CHMP3: variants seen among roughly 807,000 people sequenced by gnomAD.
CHMP3 encodes the protein charged multivesicular body protein 3.
Under a neutral mutation model 27.4 loss-of-function variants are expected in CHMP3, and 8 were observed. That is an observed-to-expected ratio of 0.29 (90% CI 0.17 to 0.53). The LOEUF is 0.53. Among genes scored for constraint, CHMP3 ranks in the 20% least tolerant of loss-of-function variants. The probability of loss-of-function intolerance (pLI) is 0.96; values close to 1 mark genes in which losing one functional copy is unlikely to be tolerated. For missense variants in CHMP3, 208 were observed against 271.5 expected, an observed-to-expected ratio of 0.77 and a Z score of 1.64; for synonymous variants, 86 against 85.5, an observed-to-expected ratio of 1.01 and a Z score of -0.03.
chr2:86,530,181 T>A (rs1018482412), intron 2 of CHMP3, among the ~76,000 whole-genome samples: 1 of 152,000 alleles, frequency 6.6e-6, no homozygotes, highest in Non-Finnish European at 1.5e-5. Flanking sequence ...TTAGCAGAGA[T>A]GGGGTTTCAC....
At chr2:86,520,398 G>A (rs924641649) in intron 3 of CHMP3, among the ~76,000 whole-genome samples, 4 of 151,986 alleles carry the variant, frequency 2.6e-5, no homozygotes, top group African/African-American at 2.4e-5. Context: ...GAGAGATAGG[G>A]GAGGTGCTAT....
intron 3 of CHMP3, chr2:86,515,384 C>G (rs1333187387): frequency 1.3e-5 from 2 of 152,278 alleles, no homozygotes; most frequent in African/African-American, 4.8e-5. Context: ...TGCAGTGGCA[C>G]GATCTCAGCT....
chr2:86,537,444 A>T (rs1676193145), intron 2 of CHMP3, among the ~76,000 whole-genome samples: 1 of 152,120 alleles, frequency 6.6e-6, no homozygotes, highest in Non-Finnish European at 1.5e-5. Flanking sequence ...GTCTTTGTTT[A>T]GCAAATCTAC....
intron 2 of CHMP3, among the ~76,000 whole-genome samples, chr2:86,531,122 G>T (rs1675901442): frequency 6.6e-6 from 1 of 151,946 alleles, no homozygotes; most frequent in African/African-American, 2.4e-5. Flanking sequence ...CATTCTATGA[G>T]TTGCCTTTTC....
intron 1 of CHMP3, among the ~76,000 whole-genome samples, chr2:86,558,319 C>T (rs1419302977): frequency 6.6e-6 from 1 of 152,230 alleles, no homozygotes; most frequent in African/African-American, 2.4e-5. Context: ...AGATTCACCA[C>T]TAAAATGTCT....
intron 1 of CHMP3, among the ~76,000 whole-genome samples, chr2:86,544,390 A>T (rs1387174373): frequency 6.7e-6 from 1 of 150,370 alleles, no homozygotes; most frequent in Non-Finnish European, 1.5e-5. Context: ...TGTTTCTCAA[A>T]GAGGGGGATG....
chr2:86,543,868 T>C (rs1236225440), intron 1 of CHMP3, among the ~76,000 whole-genome samples: 1 of 152,242 alleles, frequency 6.6e-6, no homozygotes, highest in Non-Finnish European at 1.5e-5. Flanking sequence ...GAAATTTATA[T>C]AATTAACCAT....
intron 1 of CHMP3, among the ~76,000 whole-genome samples, chr2:86,558,087 G>A (rs1677196365): frequency 6.6e-6 from 1 of 152,150 alleles, no homozygotes; most frequent in African/African-American, 2.4e-5. Context: ...TGCCATGGAA[G>A]GGGGCACTCT....
chr2:86,522,208 A>C (rs550051516), intron 3 of CHMP3, among the ~76,000 whole-genome samples: 12 of 152,326 alleles, frequency 7.9e-5, no homozygotes, highest in African/African-American at 2.9e-4. Flanking sequence ...GACTTTGTCA[A>C]ATCTTGGCTT....
intron 1 of CHMP3, among the ~76,000 whole-genome samples, chr2:86,552,644 C>T (rs975421305): frequency 1.3e-5 from 2 of 152,130 alleles, no homozygotes; most frequent in Non-Finnish European, 2.9e-5. Context: ...AACCAGGTGG[C>T]CAAAGTTATT....
Position 86,510,496 on chromosome 2 carries a change from A to G in CHMP3, c.287-17T>C, listed in dbSNP as rs1675062396. 2 of 1,609,884 alleles carry G rather than the reference A, an allele frequency of 1.2e-6. No homozygotes were observed. Among genetic ancestry groups the G allele is most frequent in the Non-Finnish European group, 1.7e-6 (2 of 1,179,962 alleles). ...GCAAGACCGCTGAAAGAGAATGTGT[A>G]CAGTCAGGATTGTTCAACAGGATGG... On this transcript the variant is annotated splice_polypyrimidine_tract_variant and intron_variant, in intron 3 of 5. Coordinates refer to ENST00000263856, the MANE Select transcript of CHMP3 (RefSeq NM_016079.4).
rs193248280 is a variant in CHMP3, at chr2:86,553,289, C to A, written c.45+10015G>T. Among the ~76,000 whole-genome samples, 9 of 151,334 alleles carry A rather than the reference C, an allele frequency of 5.9e-5. No individual in the cohort carries two copies. The East Asian group carries it at 1.6e-3, about 26-fold the overall frequency. ...CAAAACAAATGCTCTATTTTACAAACGAGTCTTTATTCTTACAATGCTATA... is the reference window on the plus strand; with the variant it reads ...CAAAACAAATGCTCTATTTTACAAAAGAGTCTTTATTCTTACAATGCTATA... On this transcript the variant is annotated intron_variant, in intron 1 of 5. Coordinates refer to ENST00000263856, the MANE Select transcript of CHMP3 (RefSeq NM_016079.4).
intron 4 of CHMP3, among the ~76,000 whole-genome samples, chr2:86,509,840 A>G (rs1000772834): frequency 2.0e-5 from 3 of 152,236 alleles, no homozygotes; most frequent in Non-Finnish European, 2.9e-5. Flanking sequence ...GCTCGGCAGC[A>G]ATGCCTTCTT....
At chr2:86,557,704 T>A (rs989550958) in intron 1 of CHMP3, among the ~76,000 whole-genome samples, 4 of 152,290 alleles carry the variant, frequency 2.6e-5, no homozygotes, top group African/African-American at 9.6e-5. Flanking sequence ...TGATCCTATA[T>A]CTACCGTCCA....
intron 1 of CHMP3, among the ~76,000 whole-genome samples, chr2:86,558,936 T>C (rs1054141392): frequency 1.3e-5 from 2 of 152,142 alleles, no homozygotes; most frequent in Admixed American, 6.5e-5. Flanking sequence ...CTCAATACTT[T>C]ATCAGTGCAT....
chr2:86,532,685 T>C (rs116829810), intron 2 of CHMP3, among the ~76,000 whole-genome samples: 2,812 of 152,300 alleles, frequency 0.018, 56 homozygotes, highest in Non-Finnish European at 0.028. Context: ...TCAATTGAGA[T>C]GATAATGTGA....
At chr2:86,550,637 T>C (rs865972727) in intron 1 of CHMP3, among the ~76,000 whole-genome samples, 31 of 152,212 alleles carry the variant, frequency 2.0e-4, no homozygotes, top group Non-Finnish European at 1.2e-4. Context: ...AAAAGGCATT[T>C]ACTTATTTTT....
At chr2:86,515,219 T>C (rs1675251196) in intron 3 of CHMP3, 2 of 152,216 alleles carry the variant, frequency 1.3e-5, no homozygotes, top group African/African-American at 4.8e-5. Context: ...AATGGAATGC[T>C]TCAGAAGTTT....
intron 3 of CHMP3, among the ~76,000 whole-genome samples, chr2:86,513,033 G>A (rs535688652): frequency 6.6e-6 from 1 of 152,308 alleles, no homozygotes; most frequent in South Asian, 2.1e-4. Context: ...TTAAAAATAT[G>A]TCCACAGAAA....
Sources: allele counts gnomAD v4.1 joint callset (sites outside exome capture counted in the v4.1 genomes callset), GRCh38; gene constraint gnomAD v4.1.1; transcripts MANE v1.5; gene names NCBI Gene and HGNC (gene_info 2026-07-23, HGNC 2026-07-21).